Variants in NOX4 observed in about 807,000 individuals in gnomAD.
NOX4 encodes NADPH oxidase 4, also known as kidney oxidase-1.
Under a neutral mutation model 87.6 loss-of-function variants are expected in NOX4, and 69 were observed. The observed-to-expected ratio is 0.79, with a 90% CI of 0.65 to 0.96. The LOEUF is 0.96. NOX4 is among the 40% of genes least tolerant of loss of function. The pLI is 0.00. For synonymous variants in NOX4, 275 were observed against 238.2 expected (o/e 1.15, Z -1.42); for missense variants, 680 against 681.5 (o/e 1.00, Z 0.02).
At chr11:89,544,484 AAAG>A in the NOX4 span, among the ~76,000 whole-genome samples, 1 of 152,150 alleles carries the variant, frequency 6.6e-6, no homozygotes, top group African/African-American at 2.4e-5. Context: ...TGCTTTAGCA[AAAG>A]AAGGTGAAAG....
At chr11:89,334,562 T>G (rs1035025724) in intron 17 of NOX4, among the ~76,000 whole-genome samples, 4 of 151,748 alleles carry the variant, frequency 2.6e-5, no homozygotes, top group African/African-American at 9.7e-5. Context: ...ATTTCTTCAA[T>G]AAATAATATT....
intron 2 of NOX4, among the ~76,000 whole-genome samples, chr11:89,464,375 G>C (rs1289357098): frequency 6.6e-6 from 1 of 152,062 alleles, no homozygotes; most frequent in African/African-American, 2.4e-5. Flanking sequence ...CTTTTTACTA[G>C]GTTTTCAGAG....
intron 4 of NOX4, among the ~76,000 whole-genome samples, chr11:89,444,955 T>C (rs1015312383): frequency 6.6e-6 from 1 of 152,142 alleles, no homozygotes; most frequent in East Asian, 1.9e-4. Context: ...TTGAGGAGGT[T>C]GGGTAAGGAA....
chr11:89,512,756 C>T, the NOX4 span, among the ~76,000 whole-genome samples: 1 of 152,028 alleles, frequency 6.6e-6, no homozygotes, highest in Non-Finnish European at 1.5e-5. Context: ...ATCACTTGAC[C>T]ATTAAATTCT....
At chr11:89,569,778 C>T in the NOX4 span, among the ~76,000 whole-genome samples, 5 of 151,692 alleles carry the variant, frequency 3.3e-5, no homozygotes, top group East Asian at 1.9e-4. Context: ...CTGAGGCGGG[C>T]GGATCACAAG....
intron 8 of NOX4, among the ~76,000 whole-genome samples, chr11:89,405,080 TTGTGTGTGTG>T (rs71472257): frequency 9.8e-5 from 13 of 133,190 alleles, no homozygotes; most frequent in Admixed American, 3.1e-4. Context: ...AAAAGTCAGA[TTGTGTGTGTG>T]TGTGTGTGTG....
chr11:89,558,422 G>T, the NOX4 span, among the ~76,000 whole-genome samples: 1 of 151,880 alleles, frequency 6.6e-6, no homozygotes, highest in Non-Finnish European at 1.5e-5. Flanking sequence ...ATTTGGCCAT[G>T]CTTGATAAGT....
the NOX4 span, among the ~76,000 whole-genome samples, chr11:89,561,015 T>TATATACATAC: frequency 3.7e-5 from 3 of 80,532 alleles, no homozygotes; most frequent in African/African-American, 1.2e-4. Context: ...TATATATATA[T>TATATACATAC]ATATACATAC....
At chr11:89,467,372 A>AAAT (rs1945747802) in intron 2 of NOX4, among the ~76,000 whole-genome samples, 1 of 151,008 alleles carries the variant, frequency 6.6e-6, no homozygotes, top group African/African-American at 2.5e-5. Context: ...AAAAAAAAAA[A>AAAT]AAAAATTTGT....
the NOX4 span, among the ~76,000 whole-genome samples, chr11:89,565,311 A>G: frequency 6.6e-6 from 1 of 152,094 alleles, no homozygotes; most frequent in African/African-American, 2.4e-5. Flanking sequence ...ATTGTTTACC[A>G]CTGGTTTATA....
chr11:89,454,619 A>G (rs1945109375), intron 2 of NOX4, among the ~76,000 whole-genome samples: 1 of 152,172 alleles, frequency 6.6e-6, no homozygotes, highest in African/African-American at 2.4e-5. Context: ...TACTGGCCAA[A>G]TGTAGCTTTA....
the NOX4 span, among the ~76,000 whole-genome samples, chr11:89,531,682 C>G: frequency 6.6e-5 from 10 of 152,308 alleles, no homozygotes; most frequent in Admixed American, 6.5e-4. Context: ...CTCACTCTCT[C>G]TACTGTCATC....
intron 6 of NOX4, among the ~76,000 whole-genome samples, chr11:89,434,592 C>A (rs1278057564): frequency 6.6e-6 from 1 of 151,942 alleles, no homozygotes; most frequent in Non-Finnish European, 1.5e-5. Context: ...AGTAACCCAG[C>A]CATTGCACTT....
the NOX4 span, chr11:89,533,921 G>C: frequency 6.6e-6 from 1 of 152,188 alleles, no homozygotes; most frequent in African/African-American, 2.4e-5. Flanking sequence ...TTGAAGTAGA[G>C]CATTGTCTTA....
chr11:89,477,592 G>A (rs977408354), intron 2 of NOX4, among the ~76,000 whole-genome samples: 2 of 152,086 alleles, frequency 1.3e-5, no homozygotes, highest in African/African-American at 4.8e-5. Context: ...AAAGTAAAAG[G>A]AAGTCTGGCA....
intron 8 of NOX4, among the ~76,000 whole-genome samples, chr11:89,420,297 A>C (rs1943014607): frequency 6.6e-6 from 1 of 152,178 alleles, no homozygotes; most frequent in African/African-American, 2.4e-5. Context: ...CTTAGCATAG[A>C]GTAAGCATTA....
At chr11:89,491,018 G>A (rs556432340) in intron 1 of NOX4, 172 bp downstream of exon 1, 1 of 755,518 alleles carries the variant, frequency 1.3e-6, no homozygotes, top group Non-Finnish European at 2.4e-6. Flanking sequence ...AGGCGAGGGG[G>A]TGGGAGGGGG....
chr11:89,564,251 C>T, the NOX4 span, among the ~76,000 whole-genome samples: 1 of 152,156 alleles, frequency 6.6e-6, no homozygotes, highest in African/African-American at 2.4e-5. Flanking sequence ...GCTTGCAGTT[C>T]TGCAGGCTAT....
At chr11:89,525,648 T>A in the NOX4 span, among the ~76,000 whole-genome samples, 1 of 152,112 alleles carries the variant, frequency 6.6e-6, no homozygotes, top group South Asian at 2.1e-4. Context: ...GTTTTATAAA[T>A]CTTTTCTCCC....
Sources: gnomAD v4.1 joint callset for allele counts (sites outside exome capture counted in the v4.1 genomes callset) on GRCh38, gnomAD v4.1.1 for gene constraint, MANE v1.5 for transcripts, NCBI Gene and HGNC (gene_info 2026-07-23, HGNC 2026-07-21) for gene names.